PPIG: variants seen among roughly 807,000 people sequenced by gnomAD.
PPIG encodes the protein peptidyl-prolyl cis-trans isomerase G.
PPIG carries 26 observed loss-of-function variants against 87.9 expected under a neutral mutation model. The ratio of observed to expected loss-of-function variants is 0.30; its 90% CI spans 0.22 to 0.41. PPIG has a LOEUF of 0.41. Ranked by LOEUF, PPIG falls within the 10% of genes least tolerant of loss-of-function variation. The pLI is 1.00. For missense variants in PPIG, 722 were observed against 879.4 expected (o/e 0.82, Z 2.26); for synonymous variants, 308 against 276.5 (o/e 1.11, Z -1.13).
At chr2:169,606,711 T>G (rs933214549) in intron 5 of PPIG, among the ~76,000 whole-genome samples, 1 of 151,942 alleles carries the variant, frequency 6.6e-6, no homozygotes, top group Non-Finnish European at 1.5e-5. Context: ...ATCTGTCAAG[T>G]GTTTCTGTTT....
Position 169,637,189 on chromosome 2 carries a change from A to G in PPIG, c.1931A>G (p.Tyr644Cys), listed in dbSNP as rs375473806. 30 of 1,613,330 alleles carry G rather than the reference A, an allele frequency of 1.9e-5. No individual in the cohort carries two copies. The highest frequency in any genetic ancestry group is 2.5e-5 in the Non-Finnish European group (30 of 1,179,886). ...EESQSRNKDK[Y>C]RNQESKSSHR... ...AGTCAAAGCAGAAACAAAGACAAAT[A>G]CAGAAACCAAGAGAGTAAGAGCTCA... The change falls in exon 14 of 14, where the codon TAC (tyrosine) becomes TGC (cysteine). Residue 644 changes from tyrosine to cysteine, a missense_variant. Physicochemically the swap from Tyr to Cys is radical, Grantham distance 194 (BLOSUM62 -2). Transcript: ENST00000260970.
At position 169,636,915 on chromosome 2, in the gene PPIG, A is replaced by G; in HGVS notation, c.1657A>G (p.Lys553Glu). ...QSRSRECDIT[K>E]GKHSYNSRTR... ...CAGGAGTAGAGAATGTGATATAACT[A>G]AAGGTAAACACAGTTATAATAGCAG... Residue 553 changes from lysine to glutamate, a missense_variant, in exon 14 of 14, where the codon AAA becomes GAA. Around this residue, in one of 4 missense-constraint regions of PPIG, gnomAD observed 476 missense variants for 483.1 expected, o/e 0.99. Coordinates refer to ENST00000260970, the MANE Select transcript of PPIG (RefSeq NM_004792.3). 2 of 1,613,978 alleles carry G rather than the reference A, an allele frequency of 1.2e-6. No individual in the cohort carries two copies. Among genetic ancestry groups the G allele is most frequent in the Non-Finnish European group, 1.7e-6 (2 of 1,179,986 alleles).
intron 9 of PPIG, among the ~76,000 whole-genome samples, chr2:169,621,543 T>A (rs1026368641): frequency 6.6e-6 from 1 of 152,034 alleles, no homozygotes; most frequent in Non-Finnish European, 1.5e-5. Flanking sequence ...ATTCTACAAA[T>A]GCAATTATTT....
chr2:169,584,604 G>A, intron 1 of PPIG, 114 bp downstream of exon 1: 1 of 436,774 alleles, frequency 2.3e-6, no homozygotes, highest in African/African-American at 2.1e-5. Context: ...ACCGGGTTGG[G>A]TTTACCGTCT....
Position 169,636,809 on chromosome 2 carries a change from A to T in PPIG, c.1551A>T (p.Lys517Asn), listed in dbSNP as rs139277607. The change falls in exon 14 of 14, where the codon AAA becomes AAT. Residue 517 changes from lysine to asparagine, a missense_variant. Transcript: ENST00000260970. ...AAGATCAGGAAAGGAGTAGAAGTAAAGAGAAGTCTAAACAGTTAGAATCAA... is the reference window on the plus strand; with the variant it reads ...AAGATCAGGAAAGGAGTAGAAGTAATGAGAAGTCTAAACAGTTAGAATCAA... ...KGKDQERSRS[K>N]EKSKQLESKS... 5.6e-6 allele frequency: 9 copies of T among 1,613,094 alleles called. No homozygotes were observed. The African/African-American group carries it at 9.4e-5, about 17-fold the overall frequency.
intron 9 of PPIG, among the ~76,000 whole-genome samples, chr2:169,622,792 TAC>T (rs1685791660): frequency 6.6e-6 from 1 of 152,208 alleles, no homozygotes; most frequent in Non-Finnish European, 1.5e-5. Flanking sequence ...TCATGCATCT[TAC>T]ATATAAGCAG....
Position 169,637,479 on chromosome 2 carries a change from G to C in PPIG, c.2221G>C (p.Asp741His), listed in dbSNP as rs1558904810. ...TGTACATGAAAAAAATAAAAAATTT[G>C]ATCATGAATCAAGCCCTGGAACAGA... Reference protein sequence around the residue: ...DHVHEKNKKFDHESSPGTDED... With the variant: ...DHVHEKNKKFHHESSPGTDED... Residue 741 changes from aspartate (D) to histidine (H), a missense_variant, in exon 14 of 14, where the codon GAT becomes CAT. Physicochemically the swap from Asp to His is moderately conservative, Grantham distance 81 (BLOSUM62 -1). This residue lies in a region of PPIG where 476 missense variants were observed against 483.1 expected (regional missense o/e 0.99). Coordinates refer to ENST00000260970, the MANE Select transcript of PPIG (RefSeq NM_004792.3). 1 of 1,603,396 alleles carries C rather than the reference G, an allele frequency of 6.2e-7. No individual in the cohort carries two copies. The highest frequency in any genetic ancestry group is 1.7e-5 in the Admixed American group (1 of 57,694).
intron 1 of PPIG, among the ~76,000 whole-genome samples, chr2:169,596,531 A>C (rs926025004): frequency 5.3e-5 from 8 of 152,202 alleles, no homozygotes; most frequent in Non-Finnish European, 1.2e-4. Flanking sequence ...CTGCTCAGTG[A>C]GGCAGGAAAG....
chr2:169,635,963 ATATTTTTTT>A (rs1385412368), intron 12 of PPIG, 120 bp from the exon 13 acceptor site: 32 of 482,762 alleles, frequency 6.6e-5, no homozygotes, highest in Non-Finnish European at 1.0e-4. Context: ...AATGCTTTTT[ATATTTTTTT>A]TATTTTGTAC....
chr2:169,607,277 G>GGCA, intron 6 of PPIG, 129 bp downstream of exon 6: 1 of 546,194 alleles, frequency 1.8e-6, no homozygotes, highest in Non-Finnish European at 3.0e-6. Flanking sequence ...CTAATCTGAA[G>GGCA]GTTAATTTTC....
chr2:169,637,283 T>C lies in PPIG; in HGVS notation c.2025T>C (p.Asn675=). The C allele has an allele frequency of 6.2e-7, 1 of 1,608,200 alleles. No individual in the cohort carries two copies. The highest frequency in any genetic ancestry group is 1.1e-5 in the South Asian group (1 of 89,512). ...AAAGTCGTGATCATAATAGCTCAAA[T>C]AACAGCAGGGAAAAAAAGGCTGATA... is the stretch of plus-strand genomic sequence containing the variant. The part of the protein sequence containing the change: ...YSKSRDHNSS[N]NSREKKADRD... The change falls in exon 14 of 14, where the codon AAT becomes AAC. Residue 675 remains asparagine (N), a synonymous_variant. Transcript: ENST00000260970.
chr2:169,587,098 A>G (rs1684725175), intron 1 of PPIG, among the ~76,000 whole-genome samples: 1 of 151,510 alleles, frequency 6.6e-6, no homozygotes, highest in Non-Finnish European at 1.5e-5. Context: ...CACACCGGGT[A>G]ATTTTTATAT....
intron 4 of PPIG, 38 bp downstream of exon 4, chr2:169,604,299 A>G: frequency 1.0e-6 from 1 of 1,002,808 alleles, no homozygotes; most frequent in Non-Finnish European, 1.5e-6. Flanking sequence ...TAGTAGTCTC[A>G]GTTGACTATG....
At chr2:169,618,791 T>C (rs1221597972) in intron 9 of PPIG, among the ~76,000 whole-genome samples, 1 of 151,908 alleles carries the variant, frequency 6.6e-6, no homozygotes, top group Admixed American at 6.6e-5. Context: ...TCTATTTTGT[T>C]AAACTTTTCA....
At chr2:169,590,073 C>T (rs755037492) in intron 1 of PPIG, among the ~76,000 whole-genome samples, 1 of 151,106 alleles carries the variant, frequency 6.6e-6, no homozygotes, top group Non-Finnish European at 1.5e-5. Flanking sequence ...TGCACCATTG[C>T]ACTCCAGCCT....
chr2:169,609,928 A>G (rs1205086044), intron 7 of PPIG, among the ~76,000 whole-genome samples: 2 of 152,212 alleles, frequency 1.3e-5, no homozygotes, highest in African/African-American at 2.4e-5. Flanking sequence ...CTCACTATTC[A>G]TAGATTCTGT....
At position 169,596,400 on chromosome 2, in the gene PPIG, C is replaced by T. The variant is rs530495741; in HGVS notation, c.-69-7242C>T. The stretch of plus-strand genomic sequence containing the variant: ...GATTACAGGCGTGAGCCTTCGCACC[C>T]GGCCGAAAATTGTGTTTTGAGTGGC... On this transcript the variant is annotated intron_variant, in intron 1 of 13. Transcript: ENST00000260970. Among the ~76,000 whole-genome samples the T allele has an allele frequency of 2.6e-5, 4 of 152,300 alleles. 1 individual carries two copies. Among genetic ancestry groups the T allele is most frequent in the South Asian group, 4.1e-4 (2 of 4,828 alleles).
At chr2:169,606,499 G>A (rs1262759309) in intron 5 of PPIG, among the ~76,000 whole-genome samples, 3 of 148,168 alleles carry the variant, frequency 2.0e-5, no homozygotes, top group Non-Finnish European at 4.4e-5. Flanking sequence ...GGCTGAGGCA[G>A]GAGAATGGCT....
At chr2:169,593,299 A>G (rs1471318450) in intron 1 of PPIG, among the ~76,000 whole-genome samples, 2 of 152,048 alleles carry the variant, frequency 1.3e-5, no homozygotes, top group African/African-American at 4.8e-5. Context: ...GGCTCAAGTG[A>G]TTCTCCTGCC....
Sources: allele counts gnomAD v4.1 joint callset (sites outside exome capture counted in the v4.1 genomes callset), GRCh38; gene constraint gnomAD v4.1.1; regional missense constraint gnomAD v4.1.1; transcripts MANE v1.5; gene names NCBI Gene and HGNC (gene_info 2026-07-23, HGNC 2026-07-21).